Variants in SLC30A9 observed in about 807,000 individuals in gnomAD.
The protein encoded by SLC30A9 is proton-coupled zinc antiporter SLC30A9, mitochondrial.
A neutral mutation model predicts 87.5 loss-of-function variants in SLC30A9; 58 were observed. That is an observed-to-expected ratio of 0.66 (90% confidence interval 0.54 to 0.82). The LOEUF (loss-of-function observed/expected upper bound fraction) is 0.82, where lower values mean the gene tolerates loss of function less well. SLC30A9 is among the 40% of genes least tolerant of loss of function. The pLI, the probability that SLC30A9 is intolerant of heterozygous loss-of-function variation, is 0.00. For missense variants in SLC30A9, 557 were observed against 679.1 expected (o/e 0.82, Z 2.00); for synonymous variants, 234 against 233.0 (o/e 1.00, Z -0.04).
intron 17 of SLC30A9, among the ~76,000 whole-genome samples, chr4:42,084,171 G>T (rs965098104): frequency 5.3e-5 from 8 of 152,060 alleles, no homozygotes; most frequent in African/African-American, 1.9e-4. Context: ...AAGTCAAATA[G>T]AACTGAAAAG....
At chr4:42,056,020 T>A (rs1250716290) in intron 9 of SLC30A9, among the ~76,000 whole-genome samples, 1 of 152,128 alleles carries the variant, frequency 6.6e-6, no homozygotes, top group Non-Finnish European at 1.5e-5. Context: ...AGGATACATA[T>A]CAAATATAAC....
chr4:42,070,334 T>C lies in SLC30A9; in HGVS notation c.1253-192T>C, dbSNP rs145062814. ...TTAATTATGTCACATAGTACTCTTA[T>C]GAAAGCAAGTTGTAGCATCCTCATT... On this transcript the variant is annotated intron_variant, in intron 14 of 17. Transcript: ENST00000264451. 3.6e-4 allele frequency: 178 copies of C among 497,892 alleles called. 2 individuals carry two copies. In the East Asian group the frequency reaches 5.2e-3, roughly 15 times the overall value. The allele number at this position is 497,892 out of a possible 1,614,324, so 30.8% of individuals were successfully genotyped here.
intron 6 of SLC30A9, among the ~76,000 whole-genome samples, chr4:42,031,945 A>T (rs1407822223): frequency 6.6e-6 from 1 of 152,210 alleles, no homozygotes; most frequent in East Asian, 1.9e-4. Context: ...GTGATTTATA[A>T]AGAAAAGAGG....
At chr4:42,041,940 C>A (rs140967409) in intron 8 of SLC30A9, among the ~76,000 whole-genome samples, 4 of 152,220 alleles carry the variant, frequency 2.6e-5, no homozygotes, top group Admixed American at 2.6e-4. Context: ...ATTGCCTCAC[C>A]GGGGTAGTGC....
intron 9 of SLC30A9, among the ~76,000 whole-genome samples, chr4:42,055,078 C>T (rs1210625038): frequency 1.3e-5 from 2 of 151,988 alleles, no homozygotes; most frequent in Non-Finnish European, 2.9e-5. Context: ...AATCCCAGCA[C>T]TTTGGGAGGC....
At chr4:42,043,427 C>G (rs1717003696) in intron 8 of SLC30A9, among the ~76,000 whole-genome samples, 1 of 151,724 alleles carries the variant, frequency 6.6e-6, no homozygotes, top group Non-Finnish European at 1.5e-5. Flanking sequence ...GAAGCATACA[C>G]AAGTATCAAT....
At chr4:41,992,375 CATACGTTT>C (rs1351139042) in intron 1 of SLC30A9, among the ~76,000 whole-genome samples, 3 of 151,672 alleles carry the variant, frequency 2.0e-5, no homozygotes, top group African/African-American at 7.3e-5. Context: ...AAAAATGAAT[CATACGTTT>C]ATACTGTACT....
At chr4:42,075,917 C>T (rs1718529145) in intron 16 of SLC30A9, 131 bp downstream of exon 16, 2 of 781,348 alleles carry the variant, frequency 2.6e-6, no homozygotes, top group East Asian at 2.8e-5. Context: ...CAAAATTTAA[C>T]AGAGACCTTT....
At chr4:42,013,897 C>T (rs1185635341) in intron 2 of SLC30A9, among the ~76,000 whole-genome samples, 1 of 152,130 alleles carries the variant, frequency 6.6e-6, no homozygotes, top group East Asian at 1.9e-4. Flanking sequence ...CAAATGGGAT[C>T]ACATTAAGTT....
intron 8 of SLC30A9, among the ~76,000 whole-genome samples, chr4:42,046,673 A>G (rs1425733026): frequency 1.3e-5 from 2 of 152,082 alleles, no homozygotes; most frequent in East Asian, 3.9e-4. Context: ...AATTAATGGA[A>G]TCAATGATAT....
At chr4:42,047,729 GTA>G (rs1350414358) in intron 8 of SLC30A9, among the ~76,000 whole-genome samples, 1 of 152,186 alleles carries the variant, frequency 6.6e-6, no homozygotes, top group Non-Finnish European at 1.5e-5. Flanking sequence ...CCATTACTGT[GTA>G]TATATCCAAT....
At chr4:42,077,890 T>C (rs1718618138) in intron 16 of SLC30A9, among the ~76,000 whole-genome samples, 1 of 152,152 alleles carries the variant, frequency 6.6e-6, no homozygotes, top group South Asian at 2.1e-4. Flanking sequence ...TACCCTTATG[T>C]CTTTCATCCA....
At chr4:42,046,899 T>G (rs543666174) in intron 8 of SLC30A9, among the ~76,000 whole-genome samples, 1 of 152,196 alleles carries the variant, frequency 6.6e-6, no homozygotes, top group Non-Finnish European at 1.5e-5. Flanking sequence ...TAGACCAATG[T>G]AACAGAACTG....
intron 6 of SLC30A9, chr4:42,029,464 C>T: frequency 1.5e-6 from 1 of 654,792 alleles, no homozygotes; most frequent in Non-Finnish European, 2.9e-6. Context: ...TTCTCAGATC[C>T]AGCAGACTGA....
In SLC30A9 at chr4:42,039,040, G is replaced by C. The variant is rs1260681802; in HGVS notation, c.724G>C (p.Val242Leu). The change falls in exon 8 of 18, where the codon GTT becomes CTT. Residue 242 changes from valine (V) to leucine (L), a missense_variant. Physicochemically the swap from Val to Leu is conservative, Grantham distance 32. Transcript: ENST00000264451. ...FFKGPGKVVM[V>L]AICINGLNCF... is the part of the protein sequence containing the mutation. ...TAAGGGACCAGGAAAAGTGGTGATGGTTGCAATTTGCATGTAAGTACTGAA... is the reference window on the plus strand; with the variant it reads ...TAAGGGACCAGGAAAAGTGGTGATGCTTGCAATTTGCATGTAAGTACTGAA... The C allele has an allele frequency of 1.2e-6, 2 of 1,611,372 alleles. No individual in the cohort carries two copies. Among genetic ancestry groups the C allele is most frequent in the South Asian group, 2.2e-5 (2 of 90,972 alleles).
chr4:42,030,501 T>A (rs914498478), intron 6 of SLC30A9, among the ~76,000 whole-genome samples: 1 of 152,162 alleles, frequency 6.6e-6, no homozygotes, highest in Non-Finnish European at 1.5e-5. Context: ...CCATGTGTTA[T>A]CGTATCTGTT....
chr4:41,996,621 C>T (rs1359958274), intron 1 of SLC30A9, among the ~76,000 whole-genome samples: 12 of 151,998 alleles, frequency 7.9e-5, no homozygotes, highest in Admixed American at 3.3e-4. Context: ...CACACGCCTG[C>T]GGTCCCAGCT....
chr4:42,042,422 C>T (rs1218247009), intron 8 of SLC30A9, among the ~76,000 whole-genome samples: 2 of 152,082 alleles, frequency 1.3e-5, no homozygotes, highest in East Asian at 3.9e-4. Flanking sequence ...CTTGAGTAGG[C>T]AGTTTTCCCC....
intron 1 of SLC30A9, among the ~76,000 whole-genome samples, chr4:42,000,328 T>G (rs1459550115): frequency 1.3e-5 from 2 of 152,128 alleles, no homozygotes; most frequent in East Asian, 1.9e-4. Context: ...GTGGCCAGGA[T>G]GAAGAAGATG....
Sources: allele counts gnomAD v4.1 joint callset (sites outside exome capture counted in the v4.1 genomes callset), GRCh38; gene constraint gnomAD v4.1.1; transcripts MANE v1.5; gene names NCBI Gene and HGNC (gene_info 2026-07-23, HGNC 2026-07-21).